The following ALPL variants were observed in gnomAD, a reference collection of about 807,000 sequenced individuals.
ALPL encodes the protein alkaline phosphatase, biomineralization associated.
In ALPL, 42 loss-of-function variants were observed where a neutral mutation model predicts 51.3. That is an observed-to-expected ratio of 0.82 (90% CI 0.64 to 1.06). ALPL has a LOEUF of 1.06. Ranked by LOEUF, ALPL falls within the 50% of genes least tolerant of loss-of-function variation. ALPL has a pLI of 0.00. For missense variants in ALPL, 589 were observed against 709.4 expected (o/e 0.83, Z 1.93); for synonymous variants, 279 against 296.4 (o/e 0.94, Z 0.60).
Position 21,573,826 on chromosome 1 carries a change from G to C in ALPL, c.997+27G>C, listed in dbSNP as rs370284496. ...TAGGGACCCCGGGTCTGCTGAGAGG[G>C]GGCTGCTGGAAACACGGCCCTGGTG... On this transcript the variant is annotated intron_variant, in intron 9 of 11. Coordinates refer to ENST00000374840, the MANE Select transcript of ALPL (RefSeq NM_000478.6). 2.5e-6 allele frequency: 4 copies of C among 1,614,020 alleles called. No homozygotes were observed. In the East Asian group the frequency reaches 6.7e-5, roughly 27 times the overall value.
chr1:21,550,104 G>A (rs1644301953), intron 1 of ALPL, among the ~76,000 whole-genome samples: 1 of 152,220 alleles, frequency 6.6e-6, no homozygotes, highest in Non-Finnish European at 1.5e-5. Flanking sequence ...GCCAGGTTTA[G>A]GGATGGGGGG....
At chr1:21,521,289 A>G (rs560287683) in intron 1 of ALPL, among the ~76,000 whole-genome samples, 2 of 152,082 alleles carry the variant, frequency 1.3e-5, no homozygotes, top group South Asian at 4.2e-4. Flanking sequence ...GGTTCAAGCG[A>G]TTCTCCTGCC....
intron 1 of ALPL, among the ~76,000 whole-genome samples, chr1:21,551,788 C>A (rs1478134743): frequency 1.4e-5 from 2 of 137,990 alleles, no homozygotes; most frequent in African/African-American, 5.4e-5. Context: ...TGCAGTGGCG[C>A]GATCTCGGCT....
intron 1 of ALPL, among the ~76,000 whole-genome samples, chr1:21,523,371 T>G (rs1422679145): frequency 2.6e-5 from 4 of 152,248 alleles, no homozygotes; most frequent in Admixed American, 1.3e-4. Context: ...ATGATAGCTC[T>G]GGAGTGTGAA....
Position 21,577,735 on chromosome 1 carries a change from G to C in ALPL, c.*87G>C. ...CCCCCTCAAGGGGCAGGGAGGTGGG[G>C]GCCTCCTCAGCCTCTGCAACTGCAA... is the stretch of plus-strand genomic sequence containing the variant. On this transcript the variant is annotated 3_prime_UTR_variant, in exon 12 of 12. Coordinates refer to ENST00000374840, the MANE Select transcript of ALPL (RefSeq NM_000478.6). 1.8e-5 allele frequency: 27 copies of C among 1,499,820 alleles called. No homozygotes were observed. Among genetic ancestry groups the C allele is most frequent in the Non-Finnish European group, 2.3e-5 (26 of 1,118,438 alleles). 92.9% of individuals were successfully genotyped at this position (1,499,820 alleles called of 1,614,324 possible). A position where few individuals can be genotyped will look rare whatever the true frequency, so the allele number is the denominator to read the frequency against.
intron 1 of ALPL, among the ~76,000 whole-genome samples, chr1:21,547,396 G>A (rs1644266804): frequency 6.6e-6 from 1 of 152,114 alleles, no homozygotes; most frequent in Non-Finnish European, 1.5e-5. Context: ...GGCCCTCTTT[G>A]CCCCAAGATG....
intron 1 of ALPL, among the ~76,000 whole-genome samples, chr1:21,536,958 G>A (rs866827422): frequency 7.0e-6 from 1 of 142,702 alleles, no homozygotes; most frequent in African/African-American, 2.6e-5. Flanking sequence ...GTGCAGTGGC[G>A]CGATCTTGGC....
chr1:21,508,994 A>T (rs1338370206), upstream of ALPL, among the ~76,000 whole-genome samples: 2 of 152,056 alleles, frequency 1.3e-5, no homozygotes, highest in African/African-American at 4.8e-5. Flanking sequence ...AGACACAGAG[A>T]CAGACGCCAG....
At position 21,577,511 on chromosome 1, in the gene ALPL, G is replaced by C; in HGVS notation, c.1438G>C (p.Val480Leu). Residue 480 changes from valine (V) to leucine (L), a missense_variant, in exon 12 of 12, where the codon GTC (valine) becomes CTC (leucine). Transcript: ENST00000374840. ...LLHGVHEQNY[V>L]PHVMAYAACI... is the part of the protein sequence containing the mutation. ...GCACGGCGTCCACGAGCAGAACTAC[G>C]TCCCCCACGTGATGGCGTATGCAGC... 6.2e-7 allele frequency: 1 copy of C among 1,608,274 alleles called. No homozygotes were observed. Among genetic ancestry groups the C allele is most frequent in the Non-Finnish European group, 8.5e-7 (1 of 1,179,890 alleles).
chr1:21,570,161 G>A, intron 7 of ALPL, 144 bp from the exon 8 acceptor site: 1 of 772,622 alleles, frequency 1.3e-6, no homozygotes, highest in Non-Finnish European at 2.2e-6. Flanking sequence ...CATTTCTTGA[G>A]GTCAGGGATG....
At chr1:21,569,043 T>C (rs1158932052) in intron 7 of ALPL, among the ~76,000 whole-genome samples, 4 of 152,014 alleles carry the variant, frequency 2.6e-5, no homozygotes, top group Non-Finnish European at 4.4e-5. Context: ...TTCTGCAAGT[T>C]CCAGGACTGG....
At chr1:21,568,498 C>T (rs1432901577) in intron 7 of ALPL, among the ~76,000 whole-genome samples, 1 of 151,706 alleles carries the variant, frequency 6.6e-6, no homozygotes, top group Non-Finnish European at 1.5e-5. Flanking sequence ...CCTGCGTGGA[C>T]ATTGAGTCAC....
rs566317085 is a variant in ALPL, at chr1:21,568,117, G to C, written c.662G>C (p.Gly221Ala). Reference sequence around the variant, plus strand: ...TGTCTCTTTTAGGTGATCATGGGGGGTGGCCGGAAATACATGTACCCCAAG... The same window carrying C: ...TGTCTCTTTTAGGTGATCATGGGGGCTGGCCGGAAATACATGTACCCCAAG... ...NIRDIDVIMG[G>A]GRKYMYPKNK... The change falls in exon 7 of 12, where the codon GGT becomes GCT. Residue 221 changes from glycine (G) to alanine (A), a missense_variant. Physicochemically the swap from Gly to Ala is moderately conservative, Grantham distance 60. Coordinates refer to ENST00000374840, the MANE Select transcript of ALPL (RefSeq NM_000478.6). 6.2e-7 allele frequency: 1 copy of C among 1,614,110 alleles called. No individual in the cohort carries two copies. The highest frequency in any genetic ancestry group is 1.3e-5 in the African/African-American group (1 of 75,030).
intron 11 of ALPL, 21 bp from the exon 12 acceptor site, chr1:21,577,362 G>A (rs761566275): frequency 4.6e-5 from 74 of 1,613,168 alleles, no homozygotes; most frequent in Non-Finnish European, 6.0e-5. Flanking sequence ...GCTCTCAGCA[G>A]GTGTTTCCCC....
intron 1 of ALPL, among the ~76,000 whole-genome samples, chr1:21,537,436 C>A (rs1418033159): frequency 1.3e-5 from 2 of 152,176 alleles, no homozygotes; most frequent in African/African-American, 4.8e-5. Flanking sequence ...TGTCTAGATA[C>A]AAGAGGCCCC....
chr1:21,530,216 G>A (rs1307568495), intron 1 of ALPL, among the ~76,000 whole-genome samples: 1 of 152,136 alleles, frequency 6.6e-6, no homozygotes, highest in African/African-American at 2.4e-5. Context: ...TCTCAAATCA[G>A]TCCCAAATAC....
chr1:21,572,706 C>A (rs959022015), intron 8 of ALPL, among the ~76,000 whole-genome samples: 1 of 152,120 alleles, frequency 6.6e-6, no homozygotes, highest in African/African-American at 2.4e-5. Context: ...TCTGGAAGGA[C>A]ACCAGAATTG....
In ALPL at chr1:21,540,259, A is replaced by G. The variant is rs776718710; in HGVS notation, c.-104-13719A>G. 6.0e-4 allele frequency among the ~76,000 whole-genome samples: 92 copies of G among 152,214 alleles called. 1 individual carries two copies. Among genetic ancestry groups the G allele is most frequent in the Non-Finnish European group, 1.1e-3 (76 of 67,994 alleles). ...TGCCTGGGCACTGCAGGCCCCAGGC[A>G]TGGTGTCTCTGGGCCCTGCTATCTC... On this transcript the variant is annotated intron_variant, in intron 1 of 11. Transcript: ENST00000374840.
chr1:21,578,209 G>T lies in ALPL; in HGVS notation c.*561G>T. 6.4e-6 allele frequency: 1 copy of T among 156,374 alleles called. No homozygotes were observed. 9.7% of individuals were successfully genotyped at this position (156,374 alleles called of 1,614,324 possible). ...GTCCCAGGAAGCCGGTGCCTGGGTG[G>T]CCATCCTACCCAGCGTGGCCCAGGC... On this transcript the variant is annotated 3_prime_UTR_variant, in exon 12 of 12. Coordinates refer to ENST00000374840, the MANE Select transcript of ALPL (RefSeq NM_000478.6). The surrounding 1 kb of genome is among the most constrained non-coding windows in gnomAD (Gnocchi z 4.2).
Sources: allele counts gnomAD v4.1 joint callset (sites outside exome capture counted in the v4.1 genomes callset), GRCh38; gene constraint gnomAD v4.1.1; non-coding constraint Gnocchi (gnomAD v3.1); transcripts MANE v1.5; gene names NCBI Gene and HGNC (gene_info 2026-07-23, HGNC 2026-07-21).